The following UNKL variants were observed in gnomAD, a reference collection of about 807,000 sequenced individuals.
UNKL encodes the protein putative E3 ubiquitin-protein ligase UNKL.
Under a neutral mutation model 78.0 loss-of-function variants are expected in UNKL, and 60 were observed. The ratio of observed to expected loss-of-function variants is 0.77; its 90% CI spans 0.63 to 0.95. The LOEUF (loss-of-function observed/expected upper bound fraction) is 0.95. UNKL is among the 40% of genes least tolerant of loss of function. The pLI, the probability that UNKL is intolerant of heterozygous loss-of-function variation, is 0.00. For synonymous variants in UNKL, 608 were observed against 474.8 expected (o/e 1.28, Z -3.65); for missense variants, 1,159 against 1,045.7 (o/e 1.11, Z -1.49).
intron 8 of UNKL, among the ~76,000 whole-genome samples, chr16:1,391,687 T>C (rs2037058195): frequency 6.6e-6 from 1 of 151,720 alleles, no homozygotes; most frequent in African/African-American, 2.4e-5. Context: ...TCCATTTCTT[T>C]TCTTTTCATT....
At chr16:1,410,190 C>T (rs146143103) in intron 2 of UNKL, among the ~76,000 whole-genome samples, 31 of 151,668 alleles carry the variant, frequency 2.0e-4, no homozygotes, top group African/African-American at 7.3e-4. Flanking sequence ...TGCTTAAGTC[C>T]GGGAGGTCGA....
At chr16:1,390,775 G>A in intron 8 of UNKL, 81 bp from the exon 9 acceptor site, 1 of 1,466,590 alleles carries the variant, frequency 6.8e-7, no homozygotes, top group Non-Finnish European at 9.2e-7. Flanking sequence ...GCTGGGCACA[G>A]TGGCAGCACT....
Position 1,414,506 on chromosome 16 carries a change from G to A in UNKL, c.77+109C>T, listed in dbSNP as rs1308840439. ...TCGTGGCCCCCCCAGCCCAGGCGCTGCGCGGAGGCCGGGGGGCGCGGGGGC... is the reference window on the plus strand; with the variant it reads ...TCGTGGCCCCCCCAGCCCAGGCGCTACGCGGAGGCCGGGGGGCGCGGGGGC... On this transcript the variant is annotated intron_variant, in intron 1 of 14. Transcript: ENST00000389221. The A allele has an allele frequency of 2.6e-5, 6 of 234,054 alleles. No homozygotes were observed. In the East Asian group the frequency reaches 8.8e-4, roughly 34 times the overall value. The allele number at this position is 234,054 out of a possible 1,614,324, so 14.5% of individuals were successfully genotyped here.
In UNKL at chr16:1,387,027, C is replaced by T. The variant is rs1407894452; in HGVS notation, c.1087-1642G>A. Among the ~76,000 whole-genome samples the T allele has an allele frequency of 6.6e-6, 1 of 152,044 alleles. No individual in the cohort carries two copies. Among genetic ancestry groups the T allele is most frequent in the South Asian group, 2.1e-4 (1 of 4,836 alleles). On this transcript the variant is annotated intron_variant, in intron 9 of 14. Coordinates refer to ENST00000389221, the MANE Select transcript of UNKL (RefSeq NM_001372107.1). This position sits in a 1 kb window ranked among gnomAD's most constrained non-coding sequence, Gnocchi z 4.1. ...TGAAAAAACGGACCACAGTCCACCC[C>T]GTGAGCATCAGGGACGGCGGTAACT... is the stretch of plus-strand genomic sequence containing the variant.
In UNKL at chr16:1,385,351, G is replaced by A. The variant is rs1006859429; in HGVS notation, c.1121C>T (p.Pro374Leu). The A allele has an allele frequency of 1.6e-5, 22 of 1,416,326 alleles. No homozygotes were observed. Among genetic ancestry groups the A allele is most frequent in the African/African-American group, 4.5e-5 (3 of 66,852 alleles). The allele number at this position is 1,416,326 out of a possible 1,614,324, so 87.7% of individuals were successfully genotyped here. A position where few individuals can be genotyped will look rare whatever the true frequency, so the allele number is the denominator to read the frequency against. ...CACGCTGGAGCTCACGCTGGGGGCC[G>A]GCGGGTGGACCGCTGCAAACACGGC... ...HLAVFAAVHP[P>L]APSVSSSVAS... is the part of the protein sequence containing the mutation. Residue 374 changes from proline (P) to leucine (L), a missense_variant, in exon 10 of 15, where the codon CCG becomes CTG. Coordinates refer to ENST00000389221, the MANE Select transcript of UNKL (RefSeq NM_001372107.1).
Position 1,387,726 on chromosome 16 carries a change from G to A in UNKL, c.1087-2341C>T, listed in dbSNP as rs1165882214. ...CCGGGGACGTGGACACTGCACAGCC[G>A]CACGGCTGCCCGGCCCTCCGGGGAC... On this transcript the variant is annotated intron_variant, in intron 9 of 14. Coordinates refer to ENST00000389221, the MANE Select transcript of UNKL (RefSeq NM_001372107.1). The surrounding 1 kb of genome is among the most constrained non-coding windows in gnomAD (Gnocchi z 4.1). Among the ~76,000 whole-genome samples, 2 of 152,028 alleles carry A rather than the reference G, an allele frequency of 1.3e-5. No individual in the cohort carries two copies. The highest frequency in any genetic ancestry group is 2.4e-5 in the African/African-American group (1 of 41,390).
In UNKL at chr16:1,387,491, A is replaced by G. The variant is rs78552047; in HGVS notation, c.1087-2106T>C. On this transcript the variant is annotated intron_variant, in intron 9 of 14. Coordinates refer to ENST00000389221, the MANE Select transcript of UNKL (RefSeq NM_001372107.1). The surrounding 1 kb of genome is among the most constrained non-coding windows in gnomAD (Gnocchi z 4.1). Reference sequence around the variant, plus strand: ...TCTGGTGACCAGACATCCAGGAGCAACGCACACCTGGGAGCTCCTTGTACC... The same window carrying G: ...TCTGGTGACCAGACATCCAGGAGCAGCGCACACCTGGGAGCTCCTTGTACC... Among the ~76,000 whole-genome samples, 6 of 152,234 alleles carry G rather than the reference A, an allele frequency of 3.9e-5. No individual in the cohort carries two copies. The East Asian group carries it at 9.7e-4, about 25-fold the overall frequency.
intron 2 of UNKL, among the ~76,000 whole-genome samples, chr16:1,408,106 A>G (rs953102229): frequency 6.6e-6 from 1 of 152,202 alleles, no homozygotes; most frequent in African/African-American, 2.4e-5. Context: ...CCCTGGCTCA[A>G]AAGAAAAACA....
At chr16:1,376,512 A>G (rs545222330) in intron 10 of UNKL, among the ~76,000 whole-genome samples, 1 of 151,946 alleles carries the variant, frequency 6.6e-6, no homozygotes, top group African/African-American at 2.4e-5. Flanking sequence ...ATCCTCCTTC[A>G]TGGCTGGCAG....
intron 12 of UNKL, among the ~76,000 whole-genome samples, chr16:1,368,794 G>A (rs530129416): frequency 5.3e-5 from 8 of 152,148 alleles, no homozygotes; most frequent in East Asian, 1.9e-4. Context: ...CCAGCTACTC[G>A]GGAGGCTGAG....
In UNKL at chr16:1,370,248, C is replaced by A. The variant is rs2035691822; in HGVS notation, c.1467G>T (p.Leu489=). ...CCACCGGCCCTGGGAGGGGCTGGGA[C>A]AGCGAACCGAGCGGCGAGGTGGACG... The part of the protein sequence containing the change: ...SSASTSPLGS[L]SQPLPGPVGS... Residue 489 remains leucine (L), a synonymous_variant, in exon 12 of 15, where the codon CTG becomes CTT. Coordinates refer to ENST00000389221, the MANE Select transcript of UNKL (RefSeq NM_001372107.1). The A allele has an allele frequency of 6.5e-7, 1 of 1,534,748 alleles. No homozygotes were observed. The highest frequency in any genetic ancestry group is 2.0e-5 in the Admixed American group (1 of 50,640).
intron 10 of UNKL, among the ~76,000 whole-genome samples, chr16:1,377,824 G>A (rs1490402289): frequency 6.6e-6 from 1 of 152,030 alleles, no homozygotes; most frequent in Non-Finnish European, 1.5e-5. Context: ...GTGTGCAGGG[G>A]CTGCTGGAAG....
chr16:1,380,395 G>A (rs560596272), intron 10 of UNKL, among the ~76,000 whole-genome samples: 1 of 152,254 alleles, frequency 6.6e-6, no homozygotes, highest in South Asian at 2.1e-4. Context: ...AGACAGTCCC[G>A]GGAGCCATGG....
chr16:1,388,783 G>A (rs1452137948), intron 9 of UNKL, among the ~76,000 whole-genome samples: 7 of 151,832 alleles, frequency 4.6e-5, no homozygotes, highest in Admixed American at 3.9e-4. Flanking sequence ...CACCAGCACC[G>A]TTCACACCAT....
At chr16:1,402,719 G>A (rs1409774618) in intron 3 of UNKL, among the ~76,000 whole-genome samples, 1 of 151,716 alleles carries the variant, frequency 6.6e-6, no homozygotes, top group African/African-American at 2.4e-5. Flanking sequence ...CAGGCGCAGT[G>A]GCTCACTGTA....
Position 1,397,237 on chromosome 16 carries a change from C to T in UNKL, c.793G>A (p.Asp265Asn), listed in dbSNP as rs548556096. ...GDEWGEPSRCDGGDGCQYCHS... is the reference protein window; with the variant it reads ...GDEWGEPSRCNGGDGCQYCHS... ...CAATACTGGCAGCCGTCGCCGCCATCGCAGCGTGAGGGTTCCCCCCACTCA... is the reference window on the plus strand; with the variant it reads ...CAATACTGGCAGCCGTCGCCGCCATTGCAGCGTGAGGGTTCCCCCCACTCA... Residue 265 changes from aspartate (D) to asparagine (N), a missense_variant, in exon 6 of 15, where the codon GAT (aspartate) becomes AAT (asparagine). Transcript: ENST00000389221. 1.9e-5 allele frequency: 30 copies of T among 1,544,132 alleles called. No individual in the cohort carries two copies. Among genetic ancestry groups the T allele is most frequent in the African/African-American group, 5.5e-5 (4 of 73,120 alleles).
chr16:1,379,795 C>G (rs940120116), intron 10 of UNKL: 1 of 770,814 alleles, frequency 1.3e-6, no homozygotes, highest in Non-Finnish European at 1.6e-6. Context: ...ACCTTCCCCC[C>G]GACTCGGGCG....
Position 1,363,457 on chromosome 16 carries a change from A to G in UNKL, c.*2783T>C, listed in dbSNP as rs1366715557. On this transcript the variant is annotated 3_prime_UTR_variant, in exon 15 of 15. Transcript: ENST00000389221. ...AATCCACTTGAGGCGTCCACGCGGA[A>G]CAAGGTCTGCTGACCACAGTTACAC... The G allele has an allele frequency of 2.9e-6, 1 of 342,590 alleles. No individual in the cohort carries two copies. The highest frequency in any genetic ancestry group is 5.7e-6 in the Non-Finnish European group (1 of 176,012). The allele number at this position is 342,590 out of a possible 1,614,324, so 21.2% of individuals were successfully genotyped here. A position where few individuals can be genotyped will look rare whatever the true frequency, so the allele number is the denominator to read the frequency against.
At chr16:1,405,938 A>C (rs1215752035) in intron 2 of UNKL, 1 of 456,644 alleles carries the variant, frequency 2.2e-6, no homozygotes, top group Non-Finnish European at 4.4e-6. Flanking sequence ...AGACCCCCTT[A>C]ACACATTCTC....
Sources: gnomAD v4.1 joint callset for allele counts (sites outside exome capture counted in the v4.1 genomes callset) on GRCh38, gnomAD v4.1.1 for gene constraint, Gnocchi (gnomAD v3.1) non-coding constraint, MANE v1.5 for transcripts, NCBI Gene and HGNC (gene_info 2026-07-23, HGNC 2026-07-21) for gene names.